LPIN2: variants seen among roughly 807,000 people sequenced by gnomAD.
LPIN2 encodes lipin 2.
LPIN2 carries 55 observed loss-of-function variants against 111.4 expected under a neutral mutation model. The ratio of observed to expected loss-of-function variants is 0.49; its 90% CI spans 0.40 to 0.62. The LOEUF (loss-of-function observed/expected upper bound fraction) is 0.62. LPIN2 is among the 20% of genes least tolerant of loss of function. LPIN2 has a pLI of 0.00. For synonymous variants in LPIN2, 425 were observed against 414.0 expected (o/e 1.03, Z -0.32); for missense variants, 992 against 1,112.1 (o/e 0.89, Z 1.54).
intron 4 of LPIN2, chr18:2,945,697 A>G (rs1481248411): frequency 5.4e-6 from 7 of 1,292,244 alleles, no homozygotes; most frequent in Non-Finnish European, 7.9e-6. Context: ...ATCACACCCC[A>G]TAATTTCACA....
At chr18:2,934,516 C>A (rs571885510) in intron 7 of LPIN2, 66 bp from the exon 8 acceptor site, 1 of 996,932 alleles carries the variant, frequency 1.0e-6, no homozygotes, top group African/African-American at 1.6e-5. Flanking sequence ...GCAAAACACA[C>A]GCACGTTTGC....
chr18:2,999,462 G>C (rs955217073), intron 1 of LPIN2, among the ~76,000 whole-genome samples: 1 of 151,990 alleles, frequency 6.6e-6, no homozygotes, highest in African/African-American at 2.4e-5. Context: ...AAAATTAGCC[G>C]GGCGCGGTTG....
intron 1 of LPIN2, among the ~76,000 whole-genome samples, chr18:2,996,048 T>C (rs2078335731): frequency 6.6e-6 from 1 of 152,112 alleles, no homozygotes; most frequent in Non-Finnish European, 1.5e-5. Flanking sequence ...GACTTATTAA[T>C]AAAATGTTAC....
chr18:3,007,876 T>A (rs2078540693), intron 1 of LPIN2, among the ~76,000 whole-genome samples: 1 of 152,238 alleles, frequency 6.6e-6, no homozygotes, highest in Non-Finnish European at 1.5e-5. Context: ...TTTTAAGAGC[T>A]GTTTGCATTC....
chr18:2,920,743 C>A, intron 19 of LPIN2, 35 bp downstream of exon 19: 3 of 1,532,400 alleles, frequency 2.0e-6, no homozygotes, highest in Non-Finnish European at 2.7e-6. Flanking sequence ...CCCCTGGCTG[C>A]AGGGCGCCGG....
At chr18:2,927,234 C>G (rs2077146852) in intron 12 of LPIN2, among the ~76,000 whole-genome samples, 1 of 152,166 alleles carries the variant, frequency 6.6e-6, no homozygotes, top group South Asian at 2.1e-4. Flanking sequence ...CTCCCTGAAC[C>G]CTCTTTTTCA....
Position 2,919,854 on chromosome 18 carries a change from C to T in LPIN2, c.*439G>A, listed in dbSNP as rs981185187. On this transcript the variant is annotated 3_prime_UTR_variant, in exon 20 of 20. Transcript: ENST00000677752. ...TTCAGCCAGCATCACTGACTGGGCCCGCAGCAGTTCAGGGACCCTGACATC... is the reference window on the plus strand; with the variant it reads ...TTCAGCCAGCATCACTGACTGGGCCTGCAGCAGTTCAGGGACCCTGACATC... The T allele has an allele frequency of 1.7e-5, 4 of 237,174 alleles. No individual in the cohort carries two copies. The highest frequency in any genetic ancestry group is 2.1e-4 in the East Asian group (2 of 9,396). The allele number at this position is 237,174 out of a possible 1,614,324, so 14.7% of individuals were successfully genotyped here. A position where few individuals can be genotyped will look rare whatever the true frequency, so the allele number is the denominator to read the frequency against.
At chr18:2,949,637 G>C (rs1257061166) in intron 4 of LPIN2, among the ~76,000 whole-genome samples, 1 of 151,996 alleles carries the variant, frequency 6.6e-6, no homozygotes, top group East Asian at 1.9e-4. Flanking sequence ...AAATGGCTAT[G>C]TTACTTATAA....
intron 1 of LPIN2, among the ~76,000 whole-genome samples, chr18:3,012,585 A>T (rs1005807536): frequency 6.6e-6 from 1 of 152,086 alleles, no homozygotes; most frequent in African/African-American, 2.4e-5. Flanking sequence ...GGGAAGAAAC[A>T]CCAGCAACTC....
At chr18:2,926,650 A>G in intron 13 of LPIN2, 73 bp downstream of exon 13, 2 of 1,361,152 alleles carry the variant, frequency 1.5e-6, no homozygotes, top group South Asian at 1.2e-5. Context: ...CAAGCTGCCA[A>G]AATCAACTTA....
chr18:2,957,963 G>A (rs1487779847), intron 2 of LPIN2, among the ~76,000 whole-genome samples: 2 of 151,094 alleles, frequency 1.3e-5, no homozygotes, highest in East Asian at 1.9e-4. Context: ...CCAACATGGA[G>A]AAACCCCATC....
In LPIN2 at chr18:2,984,235, A is replaced by G. The variant is rs150937592; in HGVS notation, c.-9-23386T>C. 1.4e-3 allele frequency among the ~76,000 whole-genome samples: 211 copies of G among 152,314 alleles called. 1 individual carries two copies. Among genetic ancestry groups the G allele is most frequent in the Middle Eastern group, 6.8e-3 (2 of 294 alleles). On this transcript the variant is annotated intron_variant, in intron 1 of 19. Transcript: ENST00000677752. ...TTAGAAATGGCAAAACTTATCTTGC[A>G]TGCAGCATGTTTTCCTGCTTGCCTT...
chr18:3,007,152 A>G (rs1229781374), intron 1 of LPIN2, among the ~76,000 whole-genome samples: 1 of 152,062 alleles, frequency 6.6e-6, no homozygotes, highest in Non-Finnish European at 1.5e-5. Flanking sequence ...GGTACCTATT[A>G]TATTTAGTTA....
At chr18:2,957,288 T>C (rs1438682865) in intron 2 of LPIN2, among the ~76,000 whole-genome samples, 1 of 152,152 alleles carries the variant, frequency 6.6e-6, no homozygotes, top group East Asian at 1.9e-4. Flanking sequence ...AATCCAAAAA[T>C]CTGAAATCTA....
intron 16 of LPIN2, among the ~76,000 whole-genome samples, chr18:2,922,768 T>G (rs781533732): frequency 4.6e-5 from 7 of 152,220 alleles, no homozygotes; most frequent in Admixed American, 6.5e-5. Context: ...ATGTTCAGCA[T>G]CTAGTCCATG....
intron 18 of LPIN2, 103 bp from the exon 19 acceptor site, chr18:2,920,984 G>A (rs1172165863): frequency 4.9e-6 from 4 of 812,484 alleles, no homozygotes; most frequent in Non-Finnish European, 8.6e-6. Context: ...AGACTCGACA[G>A]AAAACATGCG....
In LPIN2 at chr18:2,918,839, T is replaced by A. The variant is rs1243352593; in HGVS notation, c.*1454A>T. The A allele has an allele frequency of 6.6e-6, 1 of 152,056 alleles. No individual in the cohort carries two copies. Among genetic ancestry groups the A allele is most frequent in the African/African-American group, 2.4e-5 (1 of 41,394 alleles). The allele number at this position is 152,056 out of a possible 1,614,324, so 9.4% of individuals were successfully genotyped here. On this transcript the variant is annotated 3_prime_UTR_variant, in exon 20 of 20. Transcript: ENST00000677752. Reference sequence around the variant, plus strand: ...TGAAGCAAACTAAAACATGTAGAGGTTCCACTACAACGGCAGGGGCATGAA... The same window carrying A: ...TGAAGCAAACTAAAACATGTAGAGGATCCACTACAACGGCAGGGGCATGAA...
At chr18:2,990,464 T>C (rs574502223) in intron 1 of LPIN2, among the ~76,000 whole-genome samples, 16 of 152,344 alleles carry the variant, frequency 1.1e-4, no homozygotes, top group Non-Finnish European at 2.2e-4. Context: ...AATTAAAATA[T>C]GGGCAAAGGA....
At chr18:2,922,249 G>GA in intron 16 of LPIN2, 50 bp from the exon 17 acceptor site, 1 of 1,556,456 alleles carries the variant, frequency 6.4e-7, no homozygotes. Context: ...TAAGGGAAAA[G>GA]AAAACAAAAA....
Sources: allele counts gnomAD v4.1 joint callset (sites outside exome capture counted in the v4.1 genomes callset), GRCh38; gene constraint gnomAD v4.1.1; transcripts MANE v1.5; gene names NCBI Gene and HGNC (gene_info 2026-07-23, HGNC 2026-07-21).